Variants in COPS3 observed in about 807,000 individuals in gnomAD.
COPS3 encodes the protein COP9 signalosome subunit 3.
COPS3 carries 10 observed loss-of-function variants against 58.2 expected under a neutral mutation model. That is an observed-to-expected ratio of 0.17 (90% CI 0.11 to 0.29). The LOEUF is 0.29. Ranked by LOEUF, COPS3 falls within the 10% of genes least tolerant of loss-of-function variation. The pLI, the probability that COPS3 is intolerant of heterozygous loss-of-function variation, is 1.00. For synonymous variants in COPS3, 187 were observed against 181.7 expected (o/e 1.03, Z -0.24); for missense variants, 333 against 510.1 (o/e 0.65, Z 3.34).
At chr17:17,281,027 G>A (rs2048573918) in intron 1 of COPS3, 105 bp downstream of exon 1, 3 of 1,299,448 alleles carry the variant, frequency 2.3e-6, no homozygotes, top group Non-Finnish European at 1.1e-6. Flanking sequence ...CCGGAGAAGA[G>A]TCTCAGGACT....
rs1597652709 is a variant in COPS3, at chr17:17,247,357, G to A, written c.1218+123C>T. ...ATGCTCTCAACTAGTATTTCTCCAT[G>A]ACCGTACTGGTAAGGTTTTCAAGAA... On this transcript the variant is annotated intron_variant, in intron 11 of 11. Transcript: ENST00000268717. 1.8e-5 allele frequency: 18 copies of A among 1,000,568 alleles called. No individual in the cohort carries two copies. The East Asian group carries it at 3.8e-4, about 21-fold the overall frequency. The allele number at this position is 1,000,568 out of a possible 1,614,324, so 62.0% of individuals were successfully genotyped here.
At chr17:17,253,223 C>CTCAATCAA (rs960422314) in intron 9 of COPS3, among the ~76,000 whole-genome samples, 2 of 152,032 alleles carry the variant, frequency 1.3e-5, no homozygotes, top group Non-Finnish European at 2.9e-5. Context: ...AAGACCTTGT[C>CTCAATCAA]TCAATCAATC....
chr17:17,256,125 G>A (rs1024184549), intron 8 of COPS3, among the ~76,000 whole-genome samples: 3 of 149,134 alleles, frequency 2.0e-5, no homozygotes, highest in African/African-American at 7.4e-5. Context: ...CTTGTTGTGA[G>A]CCAAGATCAC....
At chr17:17,270,219 G>C (rs1304722546) in intron 4 of COPS3, among the ~76,000 whole-genome samples, 4 of 151,534 alleles carry the variant, frequency 2.6e-5, no homozygotes, top group Non-Finnish European at 4.4e-5. Flanking sequence ...CTATGTAACA[G>C]AATGTCCTAA....
intron 5 of COPS3, among the ~76,000 whole-genome samples, chr17:17,267,010 C>A (rs959411892): frequency 5.3e-5 from 8 of 149,624 alleles, no homozygotes; most frequent in African/African-American, 2.0e-4. Context: ...ACCTGGCAGG[C>A]TCCACAATTT....
Position 17,267,905 on chromosome 17 carries a change from T to C in COPS3, c.421A>G (p.Ile141Val), listed in dbSNP as rs774162439. 1 of 1,614,084 alleles carries C rather than the reference T, an allele frequency of 6.2e-7. No individual in the cohort carries two copies. Among genetic ancestry groups the C allele is most frequent in the African/African-American group, 1.3e-5 (1 of 75,058 alleles). Residue 141 changes from isoleucine (I) to valine (V), a missense_variant, in exon 5 of 12, where the codon ATA (isoleucine) becomes GTA (valine). Physicochemically the swap from Ile to Val is conservative, Grantham distance 29. Coordinates refer to ENST00000268717, the MANE Select transcript of COPS3 (RefSeq NM_003653.4). Reference protein sequence around the residue: ...MQMNTNQLTSIHADLCQLCLL... With the variant: ...MQMNTNQLTSVHADLCQLCLL... The stretch of plus-strand genomic sequence containing the variant: ...CTTACCTGGCAGAGATCAGCATGTA[T>C]TGAGGTCAGCTGGTTTGTATTCATC...
intron 5 of COPS3, among the ~76,000 whole-genome samples, chr17:17,266,853 G>T (rs897470324): frequency 6.6e-6 from 1 of 151,280 alleles, no homozygotes; most frequent in African/African-American, 2.4e-5. Flanking sequence ...TAAGAAGTTA[G>T]CTATGTTAAG....
chr17:17,276,563 G>A (rs908247452), intron 1 of COPS3, among the ~76,000 whole-genome samples: 4 of 150,910 alleles, frequency 2.7e-5, no homozygotes, highest in Non-Finnish European at 4.4e-5. Context: ...TTTTTTGTCT[G>A]GACTACATCT....
chr17:17,280,713 C>T, intron 1 of COPS3: 1 of 1,266,350 alleles, frequency 7.9e-7, no homozygotes, highest in Non-Finnish European at 1.0e-6. Context: ...CCCGCCCGCT[C>T]CCGGCGGCCT....
chr17:17,248,148 G>C (rs1555615856), intron 10 of COPS3, among the ~76,000 whole-genome samples: 1 of 152,140 alleles, frequency 6.6e-6, no homozygotes, highest in Non-Finnish European at 1.5e-5. Context: ...TCCCAACCTG[G>C]AACTCCACAG....
chr17:17,280,909 G>A (rs1332794115), intron 1 of COPS3: 15 of 905,712 alleles, frequency 1.7e-5, no homozygotes, highest in Non-Finnish European at 1.4e-5. Flanking sequence ...CCGGCGGCCC[G>A]AGGGAGGGGA....
chr17:17,280,974 T>G (rs922632365), intron 1 of COPS3, among the ~76,000 whole-genome samples, 158 bp downstream of exon 1: 1 of 152,042 alleles, frequency 6.6e-6, no homozygotes, highest in African/African-American at 2.4e-5. Context: ...TCGGCCGCGC[T>G]CGATCCTGCC....
chr17:17,261,728 C>A, intron 7 of COPS3: 1 of 468,906 alleles, frequency 2.1e-6, no homozygotes, highest in Non-Finnish European at 3.9e-6. Context: ...GTTATAGGAG[C>A]TTAAACATCT....
intron 1 of COPS3, among the ~76,000 whole-genome samples, chr17:17,278,844 A>C (rs938555075): frequency 2.1e-4 from 32 of 151,788 alleles, no homozygotes; most frequent in African/African-American, 7.5e-4. Context: ...AAATCAGTGT[A>C]ACCAGAGATG....
At position 17,276,138 on chromosome 17, in the gene COPS3, T is replaced by G; in HGVS notation, c.82A>C (p.Ile28Leu). Residue 28 changes from isoleucine (I) to leucine (L), a missense_variant, in exon 2 of 12, where the codon ATC becomes CTC. Transcript: ENST00000268717. ...QGQMTQLCEL[I>L]NKSGELLAKN... is the part of the protein sequence containing the mutation. The stretch of plus-strand genomic sequence containing the variant: ...GCAAGGAGTTCCCCACTCTTGTTGA[T>G]CAGTTCACAAAGCTGTGTCATTTGC... 1 of 1,613,996 alleles carries G rather than the reference T, an allele frequency of 6.2e-7. No homozygotes were observed. The highest frequency in any genetic ancestry group is 8.5e-7 in the Non-Finnish European group (1 of 1,179,940).
In COPS3 at chr17:17,248,512, T is replaced by A. The variant is rs530523980; in HGVS notation, c.1137+414A>T. On this transcript the variant is annotated intron_variant, in intron 10 of 11. Transcript: ENST00000268717. ...TATTTTTTTTAGTAGAGACGGGGTT[T>A]TGCCATGTTGGGCAGGCTGGTCTTG... 2.6e-5 allele frequency among the ~76,000 whole-genome samples: 4 copies of A among 152,240 alleles called. No homozygotes were observed. In the East Asian group the frequency reaches 7.7e-4, roughly 29 times the overall value.
intron 2 of COPS3, among the ~76,000 whole-genome samples, chr17:17,274,937 G>A (rs2048429483): frequency 6.6e-6 from 1 of 151,848 alleles, no homozygotes; most frequent in Non-Finnish European, 1.5e-5. Context: ...TACTCCTCTT[G>A]TCCTGCCTAT....
intron 1 of COPS3, among the ~76,000 whole-genome samples, chr17:17,277,300 G>A (rs2145263749): frequency 6.6e-6 from 1 of 152,214 alleles, no homozygotes; most frequent in Admixed American, 6.5e-5. Context: ...TCAGGTGGAG[G>A]GATTGTCCCT....
chr17:17,260,169 TTC>T (rs1350937220), intron 8 of COPS3, 130 bp downstream of exon 8: 2 of 883,002 alleles, frequency 2.3e-6, no homozygotes, highest in Non-Finnish European at 3.5e-6. Context: ...CACAAGAGAG[TTC>T]TCTCTCAGCA....
Sources: allele counts gnomAD v4.1 joint callset (sites outside exome capture counted in the v4.1 genomes callset), GRCh38; gene constraint gnomAD v4.1.1; transcripts MANE v1.5; gene names NCBI Gene and HGNC (gene_info 2026-07-23, HGNC 2026-07-21).